Variants in KDM4C observed in about 807,000 individuals in gnomAD.
KDM4C encodes the protein lysine demethylase 4C.
In KDM4C, 81 loss-of-function variants were observed where a neutral mutation model predicts 129.3. The ratio of observed to expected loss-of-function variants is 0.63; its 90% CI spans 0.52 to 0.75. The LOEUF is 0.75. Ranked by LOEUF, KDM4C falls within the 30% of genes least tolerant of loss-of-function variation. The probability of loss-of-function intolerance (pLI) is 0.00; values close to 1 mark genes in which losing one functional copy is unlikely to be tolerated. For synonymous variants in KDM4C, 573 were observed against 456.1 expected, an observed-to-expected ratio of 1.26 and a Z score of -3.26; for missense variants, 1,457 against 1,304.0, an observed-to-expected ratio of 1.12 and a Z score of -1.81.
intron 2 of KDM4C, among the ~76,000 whole-genome samples, chr9:6,805,209 A>T (rs998143739): frequency 6.6e-6 from 1 of 152,148 alleles, no homozygotes; most frequent in Admixed American, 6.6e-5. Context: ...AATTTCATCT[A>T]TTGAGAGGCA....
intron 5 of KDM4C, among the ~76,000 whole-genome samples, chr9:6,871,894 C>T (rs1033120296): frequency 7.2e-5 from 11 of 152,064 alleles, no homozygotes; most frequent in Admixed American, 3.3e-4. Flanking sequence ...CAGCATCTTG[C>T]TTTGGGAAGT....
intron 1 of KDM4C, among the ~76,000 whole-genome samples, chr9:6,745,373 A>C (rs949778265): frequency 7.2e-5 from 11 of 152,054 alleles, no homozygotes; most frequent in African/African-American, 2.7e-4. Context: ...CCAAGGCAGG[A>C]AGATCGCTTG....
chr9:6,858,679 A>G (rs979622739), intron 5 of KDM4C, among the ~76,000 whole-genome samples: 2 of 152,042 alleles, frequency 1.3e-5, no homozygotes, highest in African/African-American at 4.8e-5. Flanking sequence ...AGGCTGTAGC[A>G]TGAGAATCGC....
chr9:7,075,153 G>C (rs1313096766), intron 17 of KDM4C, among the ~76,000 whole-genome samples: 1 of 152,210 alleles, frequency 6.6e-6, no homozygotes, highest in African/African-American at 2.4e-5. Flanking sequence ...CAATTCTGCA[G>C]TCAGGTGTTT....
intron 17 of KDM4C, among the ~76,000 whole-genome samples, chr9:7,059,331 G>C (rs2132665755): frequency 6.6e-6 from 1 of 152,252 alleles, no homozygotes; most frequent in Non-Finnish European, 1.5e-5. Flanking sequence ...TCGGGCTTCT[G>C]GGTTCAAGCA....
At chr9:6,992,682 T>A (rs1364627228) in intron 12 of KDM4C, among the ~76,000 whole-genome samples, 2 of 152,238 alleles carry the variant, frequency 1.3e-5, no homozygotes, top group Non-Finnish European at 1.5e-5. Flanking sequence ...ATTGTTAGAT[T>A]GTGATGTGCA....
At chr9:6,724,210 G>T (rs1817052290) in intron 1 of KDM4C, among the ~76,000 whole-genome samples, 1 of 152,208 alleles carries the variant, frequency 6.6e-6, no homozygotes, top group Non-Finnish European at 1.5e-5. Context: ...AAGTGATGGT[G>T]ACTGACAGTT....
chr9:6,807,101 G>A (rs997308496), intron 3 of KDM4C, among the ~76,000 whole-genome samples: 2 of 151,926 alleles, frequency 1.3e-5, no homozygotes, highest in African/African-American at 4.8e-5. Context: ...TGTTGGCCGG[G>A]CCGGTCTCCA....
intron 17 of KDM4C, among the ~76,000 whole-genome samples, chr9:7,090,011 C>T (rs1312827927): frequency 1.3e-5 from 2 of 152,220 alleles, no homozygotes; most frequent in African/African-American, 2.4e-5. Flanking sequence ...CTGCAGAATC[C>T]CCCAAGCCTC....
chr9:7,053,263 G>A (rs544475439), intron 17 of KDM4C, among the ~76,000 whole-genome samples: 5 of 152,272 alleles, frequency 3.3e-5, no homozygotes, highest in African/African-American at 9.6e-5. Flanking sequence ...ATTGTTAGTC[G>A]TTTATTTATT....
chr9:7,065,553 CATGACATTCTGGCA>C (rs1832308546), intron 17 of KDM4C, among the ~76,000 whole-genome samples: 2 of 152,122 alleles, frequency 1.3e-5, no homozygotes, highest in African/African-American at 4.8e-5. Flanking sequence ...CAAAAAGAAT[CATGACATTCTGGCA>C]AAGGTATAAT....
intron 4 of KDM4C, among the ~76,000 whole-genome samples, chr9:6,842,701 T>A (rs550513001): frequency 1.3e-5 from 2 of 152,160 alleles, no homozygotes; most frequent in East Asian, 3.9e-4. Flanking sequence ...TTAAAAAAAA[T>A]CAGAAAATCT....
At chr9:6,825,421 A>G (rs879730498) in intron 4 of KDM4C, among the ~76,000 whole-genome samples, 3 of 152,222 alleles carry the variant, frequency 2.0e-5, no homozygotes, top group Non-Finnish European at 4.4e-5. Context: ...TCTATTGCAC[A>G]TAGATGATGC....
chr9:6,817,180 T>C (rs1482050086), intron 4 of KDM4C, among the ~76,000 whole-genome samples: 1 of 145,760 alleles, frequency 6.9e-6, no homozygotes, highest in Non-Finnish European at 1.5e-5. Flanking sequence ...TGAAAGAAGA[T>C]TGGCCCCTCC....
At chr9:6,852,797 C>T (rs977833913) in intron 5 of KDM4C, among the ~76,000 whole-genome samples, 1 of 152,156 alleles carries the variant, frequency 6.6e-6, no homozygotes, top group African/African-American at 2.4e-5. Flanking sequence ...GCCTACGATT[C>T]CCTCCTTACT....
At position 7,130,774 on chromosome 9, in the gene KDM4C, T is replaced by G. The variant is rs79495367; in HGVS notation, c.2781+2538T>G. Among the ~76,000 whole-genome samples, 758 of 152,248 alleles carry G rather than the reference T, an allele frequency of 5.0e-3. 7 individuals are homozygous for G. Among genetic ancestry groups the G allele is most frequent in the African/African-American group, 0.016 (682 of 41,554 alleles). ...AATGTCTTTTTTTTCTTTTTTCTTT[T>G]TTGAGACAGGGCCTCATTTTGTCGC... On this transcript the variant is annotated intron_variant, in intron 19 of 21. Transcript: ENST00000381309.
chr9:7,004,921 A>C (rs1009338452), intron 12 of KDM4C, among the ~76,000 whole-genome samples: 10 of 152,190 alleles, frequency 6.6e-5, no homozygotes, highest in African/African-American at 2.4e-4. Flanking sequence ...CTGATGAATA[A>C]AGTACACTGA....
chr9:6,949,297 C>G (rs903367688), intron 8 of KDM4C, among the ~76,000 whole-genome samples: 4 of 150,516 alleles, frequency 2.7e-5, no homozygotes, highest in South Asian at 2.1e-4. Flanking sequence ...GATGGGTGGC[C>G]GGGCAGAGAC....
chr9:6,875,803 A>G (rs762091262), intron 5 of KDM4C, among the ~76,000 whole-genome samples: 22 of 152,180 alleles, frequency 1.4e-4, no homozygotes, highest in Non-Finnish European at 2.6e-4. Flanking sequence ...AAATGCCTTG[A>G]GTTCTTCCTG....
Sources: gnomAD v4.1 joint callset for allele counts (sites outside exome capture counted in the v4.1 genomes callset) on GRCh38, gnomAD v4.1.1 for gene constraint, MANE v1.5 for transcripts, NCBI Gene and HGNC (gene_info 2026-07-23, HGNC 2026-07-21) for gene names.